The following ANKRD30BL variants were observed in gnomAD, a reference collection of about 807,000 sequenced individuals.
ANKRD30BL encodes putative ankyrin repeat domain-containing protein 30B-like.
In ANKRD30BL, 20 loss-of-function variants were observed where a neutral mutation model predicts 18.4. The ratio of observed to expected loss-of-function variants is 1.09; its 90% CI spans 0.77 to 1.58. ANKRD30BL has a LOEUF of 1.58. ANKRD30BL is among the 40% of genes most tolerant of loss of function. The probability of loss-of-function intolerance (pLI) is 0.00; values close to 1 mark genes in which losing one functional copy is unlikely to be tolerated. For missense variants in ANKRD30BL, 224 were observed against 268.6 expected (o/e 0.83, Z 1.16); for synonymous variants, 72 against 100.9 (o/e 0.71, Z 1.72).
intron 1 of ANKRD30BL, among the ~76,000 whole-genome samples, chr2:132,234,555 A>G (rs532546157): frequency 6.4e-4 from 98 of 152,316 alleles, no homozygotes; most frequent in African/African-American, 2.2e-3. Context: ...AATACTACAA[A>G]CACCTCTATG....
Position 132,232,964 on chromosome 2 carries a change from C to G in ANKRD30BL, n.441+24565G>C, listed in dbSNP as rs142103803. On this transcript the variant is annotated intron_variant and non_coding_transcript_variant, in intron 1 of 4. Coordinates refer to the ANKRD30BL transcript ENST00000470729. ...GGTCGGGTTACCCTCAAAAGGAAGC[C>G]CACCAGACTAACAGCGGATCTCTTG... 9.4e-3 allele frequency among the ~76,000 whole-genome samples: 1,425 copies of G among 152,062 alleles called. 21 individuals carry two copies. Among genetic ancestry groups the G allele is most frequent in the African/African-American group, 0.031 (1,296 of 41,470 alleles).
intron 1 of ANKRD30BL, among the ~76,000 whole-genome samples, chr2:132,225,268 T>A (rs1208193614): frequency 1.3e-5 from 2 of 152,088 alleles, no homozygotes; most frequent in African/African-American, 4.8e-5. Flanking sequence ...TTTTGTAGAA[T>A]CTGCAAGTGG....
At position 132,161,666 on chromosome 2, in the gene ANKRD30BL, C is replaced by T. The variant is rs1688066440; in HGVS notation, c.40G>A (p.Gly14Ser). The change falls in exon 1 of 6, where the codon GGC becomes AGC. Residue 14 changes from glycine (G) to serine (S), a missense_variant. Physicochemically the swap from Gly to Ser is moderately conservative, Grantham distance 56 (BLOSUM62 0). Coordinates refer to ENST00000409867, the MANE Select transcript of ANKRD30BL (RefSeq NM_001358416.1). ...CTGAAGGGGCTCGGGCGCTCTGGGCCCGTCTGGCCCTTGACAGGGGCGGCA... is the reference window on the plus strand; with the variant it reads ...CTGAAGGGGCTCGGGCGCTCTGGGCTCGTCTGGCCCTTGACAGGGGCGGCA... ...LSAAPVKGQTGPERPSPFSQL... is the reference protein window; with the variant it reads ...LSAAPVKGQTSPERPSPFSQL... 4 of 1,451,486 alleles carry T rather than the reference C, an allele frequency of 2.8e-6. No individual in the cohort carries two copies. The highest frequency in any genetic ancestry group is 3.9e-5 in the Admixed American group (2 of 50,832). The allele number at this position is 1,451,486 out of a possible 1,614,324, so 89.9% of individuals were successfully genotyped here.
intron 1 of ANKRD30BL, among the ~76,000 whole-genome samples, chr2:132,206,942 A>G (rs904433021): frequency 2.6e-5 from 4 of 152,154 alleles, no homozygotes; most frequent in South Asian, 2.1e-4. Flanking sequence ...CTCTACCTCC[A>G]TCCTCACATG....
intron 1 of ANKRD30BL, among the ~76,000 whole-genome samples, chr2:132,211,261 T>C (rs1169786122): frequency 6.6e-6 from 1 of 151,958 alleles, no homozygotes; most frequent in African/African-American, 2.4e-5. Flanking sequence ...CTGAGAAACT[T>C]CTTTGGGGTG....
At chr2:132,217,745 G>A (rs571618411) in intron 1 of ANKRD30BL, among the ~76,000 whole-genome samples, 156 of 152,256 alleles carry the variant, frequency 1.0e-3, no homozygotes, top group Non-Finnish European at 2.1e-3. Flanking sequence ...ATTTCAACCA[G>A]TTTGAGGTCT....
intron 1 of ANKRD30BL, among the ~76,000 whole-genome samples, chr2:132,249,984 GA>G (rs1206731113): frequency 2.0e-5 from 3 of 152,180 alleles, no homozygotes; most frequent in Non-Finnish European, 4.4e-5. Context: ...TTTATGTGAA[GA>G]TATTTCCTTT....
At chr2:132,246,200 C>T (rs1479766437) in intron 1 of ANKRD30BL, among the ~76,000 whole-genome samples, 1 of 151,732 alleles carries the variant, frequency 6.6e-6, no homozygotes. Flanking sequence ...CTGAGTTGAA[C>T]ATTCCTTTTC....
intron 1 of ANKRD30BL, among the ~76,000 whole-genome samples, chr2:132,176,782 C>T (rs141561070): frequency 6.6e-6 from 1 of 152,034 alleles, no homozygotes; most frequent in Admixed American, 6.6e-5. Flanking sequence ...CAGAGTTAGG[C>T]TCTGTAAAAA....
intron 1 of ANKRD30BL, among the ~76,000 whole-genome samples, chr2:132,194,781 G>T (rs908599020): frequency 7.2e-5 from 11 of 152,164 alleles, no homozygotes; most frequent in African/African-American, 2.7e-4. Context: ...GATGAAAAAT[G>T]ACTAAAAATG....
At chr2:132,194,481 T>C (rs1047106002) in intron 1 of ANKRD30BL, among the ~76,000 whole-genome samples, 1 of 152,232 alleles carries the variant, frequency 6.6e-6, no homozygotes, top group Non-Finnish European at 1.5e-5. Flanking sequence ...ATGGGGATTG[T>C]ATGTGAGGAT....
chr2:132,187,172 G>GTTTTTTTT (rs1407000925), intron 1 of ANKRD30BL, among the ~76,000 whole-genome samples: 20 of 80,200 alleles, frequency 2.5e-4, no homozygotes, highest in African/African-American at 6.5e-4. Context: ...GAAGTTTTTT[G>GTTTTTTTT]TTTTTTTTTT....
chr2:132,256,460 G>A (rs1680841486), intron 1 of ANKRD30BL, among the ~76,000 whole-genome samples: 1 of 152,238 alleles, frequency 6.6e-6, no homozygotes, highest in African/African-American at 2.4e-5. Flanking sequence ...AGGGACCGGC[G>A]GCCACTCATG....
upstream of ANKRD30BL, among the ~76,000 whole-genome samples, chr2:132,162,592 T>C (rs1688104015): frequency 1.3e-5 from 2 of 152,140 alleles, no homozygotes; most frequent in Non-Finnish European, 2.9e-5. Context: ...TGTCCGACCC[T>C]GGGGTTCGCC....
chr2:132,163,282 C>T (rs963649181), upstream of ANKRD30BL, among the ~76,000 whole-genome samples: 4 of 152,064 alleles, frequency 2.6e-5, no homozygotes, highest in Non-Finnish European at 5.9e-5. Flanking sequence ...GAAACTTTAT[C>T]TCTATAAAAA....
chr2:132,239,882 A>G (rs542514420), intron 1 of ANKRD30BL, among the ~76,000 whole-genome samples: 2 of 152,178 alleles, frequency 1.3e-5, no homozygotes, highest in East Asian at 1.9e-4. Context: ...ACAGAGTTGA[A>G]CCTTTCTTTT....
chr2:132,197,867 A>G (rs1235282912), intron 1 of ANKRD30BL, among the ~76,000 whole-genome samples: 1 of 152,050 alleles, frequency 6.6e-6, no homozygotes, highest in Non-Finnish European at 1.5e-5. Context: ...TTTAGTTCCT[A>G]TGAACCTTAT....
intron 1 of ANKRD30BL, among the ~76,000 whole-genome samples, chr2:132,214,825 T>TG (rs1168649334): frequency 1.3e-5 from 2 of 149,878 alleles, no homozygotes; most frequent in Admixed American, 6.7e-5. Context: ...AGGCCTATGG[T>TG]GAAAAGGAAA....
intron 1 of ANKRD30BL, among the ~76,000 whole-genome samples, chr2:132,187,188 GTTTTTTTTTT>G (rs1193358076): frequency 1.1e-5 from 1 of 90,624 alleles, no homozygotes; most frequent in African/African-American, 4.0e-5. Flanking sequence ...TTTTTTGTTT[GTTTTTTTTTT>G]TTTTTTTTTT....
Sources: gnomAD v4.1 joint callset for allele counts (sites outside exome capture counted in the v4.1 genomes callset) on GRCh38, gnomAD v4.1.1 for gene constraint, MANE v1.5 for transcripts, NCBI Gene and HGNC (gene_info 2026-07-23, HGNC 2026-07-21) for gene names.